C5orf24: variants seen among roughly 807,000 people sequenced by gnomAD.
The protein encoded by C5orf24 is chromosome 5 open reading frame 24, also known as UPF0461 protein C5orf24.
A neutral mutation model predicts 9.8 loss-of-function variants in C5orf24; 4 were observed. The observed-to-expected ratio is 0.41, with a 90% CI of 0.20 to 0.93. C5orf24 has a LOEUF of 0.93. Ranked by LOEUF, C5orf24 falls within the 40% of genes least tolerant of loss-of-function variation. The probability of loss-of-function intolerance (pLI) is 0.33; values close to 1 mark genes in which losing one functional copy is unlikely to be tolerated. For missense variants in C5orf24, 170 were observed against 236.9 expected (o/e 0.72, Z 1.85); for synonymous variants, 73 against 81.3 (o/e 0.90, Z 0.55).
chr5:134,838,247 C>T, the C5orf24 span, among the ~76,000 whole-genome samples: 1 of 152,144 alleles, frequency 6.6e-6, no homozygotes, highest in Non-Finnish European at 1.5e-5. Flanking sequence ...GTGATATGGC[C>T]TACCTTGGGC....
Position 134,856,974 on chromosome 5 carries a change from T to C in C5orf24, c.*1507T>C. ...GTGAGACCATCTCATCCAAAAGATT[T>C]TTTTTCCCCCAATGATGTTTGCTTT... is the stretch of plus-strand genomic sequence containing the variant. On this transcript the variant is annotated 3_prime_UTR_variant, in exon 2 of 2. Transcript: ENST00000394976. The C allele has an allele frequency of 2.0e-6, 2 of 1,005,728 alleles. No homozygotes were observed. The highest frequency in any genetic ancestry group is 2.4e-6 in the Non-Finnish European group (2 of 833,832). 62.3% of individuals were successfully genotyped at this position (1,005,728 alleles called of 1,614,324 possible).
rs142019018 is a variant in C5orf24 at position 134,855,159 on chromosome 5, T to C, written c.259T>C (p.Ser87Pro). ...AAAGAAAAAGAAGAATCTCAACCGA[T>C]CTGGTAAGCGTGGCCGGCCTTCGGG... ...ELKKKKNLNR[S>P]GKRGRPSGTT... The change falls in exon 2 of 2, where the codon TCT becomes CCT. Residue 87 changes from serine (S) to proline (P), a missense_variant. By Grantham distance (74) the Ser-to-Pro change is moderately conservative (BLOSUM62 -1). This residue lies in a region of C5orf24 where 93 missense variants were observed against 104.5 expected (regional missense o/e 0.89). Coordinates refer to ENST00000394976, the MANE Select transcript of C5orf24 (RefSeq NM_001135586.1). The C allele has an allele frequency of 8.7e-6, 14 of 1,613,888 alleles. No homozygotes were observed. The highest frequency in any genetic ancestry group is 5.9e-6 in the Non-Finnish European group (7 of 1,180,014).
In C5orf24 at chr5:134,846,053, G is replaced by C. The variant is rs925236512; in HGVS notation, c.-163G>C. On this transcript the variant is annotated 5_prime_UTR_variant, in exon 1 of 2. Transcript: ENST00000394976. Reference sequence around the variant, plus strand: ...GCCGCGGCGGGTGCTGGGAGCCAGCGCCTGCCTCGCCGCCGCCCTCGCTGC... The same window carrying C: ...GCCGCGGCGGGTGCTGGGAGCCAGCCCCTGCCTCGCCGCCGCCCTCGCTGC... 2.6e-5 allele frequency: 4 copies of C among 152,328 alleles called. No homozygotes were observed. Among genetic ancestry groups the C allele is most frequent in the African/African-American group, 9.6e-5 (4 of 41,454 alleles). 9.4% of individuals were successfully genotyped at this position (152,328 alleles called of 1,614,324 possible).
rs1756308132 is a variant in C5orf24, at chr5:134,856,199, T to C, written c.*732T>C. ...ATATTTACAGAAAATTTAAACTATT[T>C]TATAAAAACTGCACATTACATTTTT... On this transcript the variant is annotated 3_prime_UTR_variant, in exon 2 of 2. Coordinates refer to ENST00000394976, the MANE Select transcript of C5orf24 (RefSeq NM_001135586.1). 4.0e-6 allele frequency: 4 copies of C among 994,662 alleles called. No individual in the cohort carries two copies. Among genetic ancestry groups the C allele is most frequent in the Non-Finnish European group, 4.8e-6 (4 of 824,998 alleles). The allele number at this position is 994,662 out of a possible 1,614,324, so 61.6% of individuals were successfully genotyped here. A position where few individuals can be genotyped will look rare whatever the true frequency, so the allele number is the denominator to read the frequency against.
chr5:134,857,109 A>G lies in C5orf24; in HGVS notation c.*1642A>G. On this transcript the variant is annotated 3_prime_UTR_variant, in exon 2 of 2. Transcript: ENST00000394976. The stretch of plus-strand genomic sequence containing the variant: ...AGTAATACTTCTTGTTACACATTTT[A>G]TTTATTGAGTTTGTTCTAAATAAAA... 8.2e-7 allele frequency: 1 copy of G among 1,218,988 alleles called. No individual in the cohort carries two copies. 75.5% of individuals were successfully genotyped at this position (1,218,988 alleles called of 1,614,324 possible). A position where few individuals can be genotyped will look rare whatever the true frequency, so the allele number is the denominator to read the frequency against.
rs1258664837 is a variant in C5orf24 at position 134,857,618 on chromosome 5, A to G, written c.*2151A>G. The G allele has an allele frequency of 1.0e-5, 5 of 480,788 alleles. No homozygotes were observed. Among genetic ancestry groups the G allele is most frequent in the African/African-American group, 8.0e-5 (4 of 50,060 alleles). 29.8% of individuals were successfully genotyped at this position (480,788 alleles called of 1,614,324 possible). ...CAAAAGCTTAAAATACAAGATTTTTAATAATTTACTCAGAACAGTATAACT... is the reference window on the plus strand; with the variant it reads ...CAAAAGCTTAAAATACAAGATTTTTGATAATTTACTCAGAACAGTATAACT... On this transcript the variant is annotated 3_prime_UTR_variant, in exon 2 of 2. Coordinates refer to ENST00000394976, the MANE Select transcript of C5orf24 (RefSeq NM_001135586.1).
intron 1 of C5orf24, 38 bp from the exon 2 acceptor site, chr5:134,854,860 G>T: frequency 6.3e-7 from 1 of 1,596,656 alleles, no homozygotes; most frequent in Non-Finnish European, 8.6e-7. Context: ...GTATTTGTGT[G>T]TGTGTATTTA....
At chr5:134,843,978 G>A (rs1755936964), upstream of C5orf24, among the ~76,000 whole-genome samples, 1 of 152,210 alleles carries the variant, frequency 6.6e-6, no homozygotes, top group African/African-American at 2.4e-5. Flanking sequence ...AAAATACCAT[G>A]GGAGGCAAGT....
intron 1 of C5orf24, among the ~76,000 whole-genome samples, chr5:134,850,937 T>TATATATATATATATAC (rs762710710): frequency 7.5e-5 from 11 of 146,992 alleles, no homozygotes; most frequent in African/African-American, 2.8e-4. Context: ...TATATATATA[T>TATATATATATATATAC]ACACACACAC....
chr5:134,851,208 G>A (rs973708253), intron 1 of C5orf24, among the ~76,000 whole-genome samples: 2 of 152,048 alleles, frequency 1.3e-5, no homozygotes, highest in African/African-American at 4.8e-5. Flanking sequence ...GATTGTAGGC[G>A]TGAGCCATCG....
chr5:134,856,175 T>C lies in C5orf24; in HGVS notation c.*708T>C. On this transcript the variant is annotated 3_prime_UTR_variant, in exon 2 of 2. Coordinates refer to ENST00000394976, the MANE Select transcript of C5orf24 (RefSeq NM_001135586.1). Reference sequence around the variant, plus strand: ...TATACCAAACACTACAAACAATTCATATTTACAGAAAATTTAAACTATTTT... The same window carrying C: ...TATACCAAACACTACAAACAATTCACATTTACAGAAAATTTAAACTATTTT... 1.0e-6 allele frequency: 1 copy of C among 996,960 alleles called. No individual in the cohort carries two copies. The highest frequency in any genetic ancestry group is 1.2e-6 in the Non-Finnish European group (1 of 826,960). 61.8% of individuals were successfully genotyped at this position (996,960 alleles called of 1,614,324 possible).
chr5:134,843,363 T>G (rs1423147695), upstream of C5orf24, among the ~76,000 whole-genome samples: 1 of 152,202 alleles, frequency 6.6e-6, no homozygotes, highest in Non-Finnish European at 1.5e-5. Flanking sequence ...CTTAAAATAT[T>G]TTATGGAAAA....
the C5orf24 span, among the ~76,000 whole-genome samples, chr5:134,840,595 G>A: frequency 1.3e-4 from 20 of 152,142 alleles, no homozygotes; most frequent in African/African-American, 4.1e-4. Context: ...GTACAGTCAC[G>A]TGATTACAGC....
At chr5:134,854,626 TG>T (rs753061931) in intron 1 of C5orf24, among the ~76,000 whole-genome samples, 20 of 152,256 alleles carry the variant, frequency 1.3e-4, no homozygotes, top group Non-Finnish European at 2.6e-4. Flanking sequence ...CACACTTTTC[TG>T]GTTCCTAATT....
upstream of C5orf24, among the ~76,000 whole-genome samples, chr5:134,841,516 G>A (rs781533415): frequency 4.6e-5 from 7 of 152,088 alleles, no homozygotes; most frequent in Non-Finnish European, 8.8e-5. Flanking sequence ...GAACCCGGGA[G>A]GTGGAGGTTG....
rs1270157376 is a variant in C5orf24, at chr5:134,855,796, A to G, written c.*329A>G. On this transcript the variant is annotated 3_prime_UTR_variant, in exon 2 of 2. Coordinates refer to ENST00000394976, the MANE Select transcript of C5orf24 (RefSeq NM_001135586.1). Reference sequence around the variant, plus strand: ...GATGCTTTATGTGATAAACAACTGAAACCATTATACCTATTAGTTTGTGAA... The same window carrying G: ...GATGCTTTATGTGATAAACAACTGAGACCATTATACCTATTAGTTTGTGAA... 4 of 1,179,338 alleles carry G rather than the reference A, an allele frequency of 3.4e-6. No individual in the cohort carries two copies. The highest frequency in any genetic ancestry group is 4.3e-6 in the Non-Finnish European group (4 of 940,442). The allele number at this position is 1,179,338 out of a possible 1,614,324, so 73.1% of individuals were successfully genotyped here.
Position 134,856,219 on chromosome 5 carries a change from A to C in C5orf24, c.*752A>C, listed in dbSNP as rs113314814. The C allele has an allele frequency of 1.0e-6, 1 of 992,396 alleles. No homozygotes were observed. Among genetic ancestry groups the C allele is most frequent in the East Asian group, 1.1e-4 (1 of 8,786 alleles). 61.5% of individuals were successfully genotyped at this position (992,396 alleles called of 1,614,324 possible). Reference sequence around the variant, plus strand: ...CTATTTTATAAAAACTGCACATTACATTTTTGGTGAAATATAGTGCATTCT... The same window carrying C: ...CTATTTTATAAAAACTGCACATTACCTTTTTGGTGAAATATAGTGCATTCT... On this transcript the variant is annotated 3_prime_UTR_variant, in exon 2 of 2. Coordinates refer to ENST00000394976, the MANE Select transcript of C5orf24 (RefSeq NM_001135586.1).
At chr5:134,835,925 C>T in the C5orf24 span, among the ~76,000 whole-genome samples, 3 of 151,982 alleles carry the variant, frequency 2.0e-5, no homozygotes, top group Non-Finnish European at 2.9e-5. Context: ...TCTTAGACTC[C>T]TGGCCTCAGG....
intron 1 of C5orf24, chr5:134,846,522 G>T (rs1580837326): frequency 6.6e-6 from 1 of 152,252 alleles, no homozygotes; most frequent in South Asian, 2.1e-4. Flanking sequence ...AGTGCCCGTG[G>T]ACTTCTACGC....
Sources: allele counts gnomAD v4.1 joint callset (sites outside exome capture counted in the v4.1 genomes callset), GRCh38; gene constraint gnomAD v4.1.1; regional missense constraint gnomAD v4.1.1; transcripts MANE v1.5; gene names NCBI Gene and HGNC (gene_info 2026-07-23, HGNC 2026-07-21).